The following CFAP20DC variants were observed in gnomAD, a reference collection of about 807,000 sequenced individuals.
The protein encoded by CFAP20DC is protein CFAP20DC.
A neutral mutation model predicts 101.7 loss-of-function variants in CFAP20DC; 84 were observed. The ratio of observed to expected loss-of-function variants is 0.83; its 90% CI spans 0.69 to 0.99. The LOEUF (loss-of-function observed/expected upper bound fraction) is 0.99, where lower values mean the gene tolerates loss of function less well. Among genes scored for constraint, CFAP20DC ranks in the 50% least tolerant of loss-of-function variants. CFAP20DC has a pLI of 0.00. For missense variants in CFAP20DC, 1,007 were observed against 970.3 expected (o/e 1.04, Z -0.50); for synonymous variants, 359 against 351.2 (o/e 1.02, Z -0.25).
At chr3:58,830,607 A>C (rs575940233) in intron 14 of CFAP20DC, among the ~76,000 whole-genome samples, 1 of 152,374 alleles carries the variant, frequency 6.6e-6, no homozygotes, top group South Asian at 2.1e-4. Flanking sequence ...TTAAATACTT[A>C]AAACCTAACT....
chr3:58,918,116 C>A (rs139128964), intron 5 of CFAP20DC, among the ~76,000 whole-genome samples: 1 of 152,142 alleles, frequency 6.6e-6, no homozygotes, highest in African/African-American at 2.4e-5. Context: ...GAGTCTTAGA[C>A]ACATTACCGT....
chr3:58,956,568 C>T (rs573542898), intron 4 of CFAP20DC, among the ~76,000 whole-genome samples: 2 of 152,264 alleles, frequency 1.3e-5, no homozygotes, highest in East Asian at 1.9e-4. Flanking sequence ...CCCTGGCTCC[C>T]GGATGGCACC....
intron 4 of CFAP20DC, among the ~76,000 whole-genome samples, chr3:58,976,483 T>C (rs774251614): frequency 1.5e-4 from 23 of 152,280 alleles, no homozygotes; most frequent in Non-Finnish European, 3.1e-4. Context: ...ATCACCTGTG[T>C]CCTGAAAGTG....
At chr3:58,775,939 T>A (rs1239149057) in intron 15 of CFAP20DC, among the ~76,000 whole-genome samples, 1 of 152,136 alleles carries the variant, frequency 6.6e-6, no homozygotes, top group East Asian at 1.9e-4. Flanking sequence ...GAGACTGGGT[T>A]TCTCCATGTT....
chr3:58,759,583 G>A (rs1223160852), intron 15 of CFAP20DC, among the ~76,000 whole-genome samples: 2 of 152,104 alleles, frequency 1.3e-5, no homozygotes, highest in African/African-American at 4.8e-5. Flanking sequence ...CACTGATTTT[G>A]GTGTTTTAGA....
rs1490074443 is a variant in CFAP20DC, at chr3:58,863,326, A to G, written c.1593+232T>C. The stretch of plus-strand genomic sequence containing the variant: ...AAATGAAAAAACAGAAAGAAACCCA[A>G]AACTGGTTTCTATAAGTAAAAGTGA... On this transcript the variant is annotated intron_variant, in intron 12 of 16. Transcript: ENST00000482387. This position sits in a 1 kb window ranked among gnomAD's most constrained non-coding sequence, Gnocchi z 5.9. 7.1e-7 allele frequency: 1 copy of G among 1,412,506 alleles called. No individual in the cohort carries two copies. The highest frequency in any genetic ancestry group is 1.4e-5 in the African/African-American group (1 of 69,220). The allele number at this position is 1,412,506 out of a possible 1,614,324, so 87.5% of individuals were successfully genotyped here.
intron 6 of CFAP20DC, among the ~76,000 whole-genome samples, chr3:58,896,331 C>T (rs1382671687): frequency 6.6e-6 from 1 of 152,018 alleles, no homozygotes; most frequent in Non-Finnish European, 1.5e-5. Flanking sequence ...TTTCAAGAAA[C>T]CAGCTCCTGG....
At chr3:58,836,499 C>T (rs926570870) in intron 13 of CFAP20DC, among the ~76,000 whole-genome samples, 5 of 152,046 alleles carry the variant, frequency 3.3e-5, no homozygotes, top group Non-Finnish European at 7.4e-5. Flanking sequence ...GCTAAATCTA[C>T]AGTGGAGGTG....
At chr3:58,750,152 A>G (rs377401710) in intron 16 of CFAP20DC, among the ~76,000 whole-genome samples, 4 of 152,196 alleles carry the variant, frequency 2.6e-5, no homozygotes, top group African/African-American at 7.2e-5. Context: ...ACAAACTCCT[A>G]CTGAATAAAG....
intron 14 of CFAP20DC, among the ~76,000 whole-genome samples, chr3:58,812,760 C>A (rs559656978): frequency 6.6e-6 from 1 of 151,368 alleles, no homozygotes; most frequent in Non-Finnish European, 1.5e-5. Context: ...TTTTACAGAT[C>A]CAGCAAATAG....
rs1699670175 is a variant in CFAP20DC, at chr3:59,044,390, G to A, written c.205+1839C>T. 3.3e-5 allele frequency among the ~76,000 whole-genome samples: 5 copies of A among 151,992 alleles called. No homozygotes were observed. In the South Asian group the frequency reaches 1.0e-3, roughly 32 times the overall value. On this transcript the variant is annotated intron_variant, in intron 3 of 16. Transcript: ENST00000482387. ...AATAACCTTAAAGGCATCAGTGCAG[G>A]GCAGACTATATAAACTGTTTCATTT...
rs569742942 is a variant in CFAP20DC at position 59,036,001 on chromosome 3, G to A, written c.278+3556C>T. Among the ~76,000 whole-genome samples, 108 of 152,174 alleles carry A rather than the reference G, an allele frequency of 7.1e-4. 3 individuals are homozygous for A. The South Asian group carries it at 0.021, about 29-fold the overall frequency. ...GGGATGCAAGGCTGGTTCAACATAC[G>A]CAAATCAATCAACATAATCCATCAC... On this transcript the variant is annotated intron_variant, in intron 4 of 16. Transcript: ENST00000482387.
At chr3:58,762,604 C>T (rs1054863509) in intron 15 of CFAP20DC, among the ~76,000 whole-genome samples, 6 of 152,112 alleles carry the variant, frequency 3.9e-5, no homozygotes, top group Admixed American at 6.5e-5. Flanking sequence ...TTATTTTGCT[C>T]GTTAGTTGAT....
At chr3:58,878,973 A>T (rs566584254) in intron 7 of CFAP20DC, among the ~76,000 whole-genome samples, 6 of 150,882 alleles carry the variant, frequency 4.0e-5, no homozygotes, top group African/African-American at 7.3e-5. Context: ...GTGCCACTGC[A>T]CTCCAGCCTG....
chr3:59,025,608 G>C (rs73837015), intron 4 of CFAP20DC, among the ~76,000 whole-genome samples: 2,902 of 152,122 alleles, frequency 0.019, 82 homozygotes, highest in African/African-American at 0.065. Context: ...GTACAGATGA[G>C]GCTTTGACAT....
chr3:58,869,260 T>G lies in CFAP20DC; in HGVS notation c.1015+68A>C. The G allele has an allele frequency of 7.8e-7, 1 of 1,285,596 alleles. No homozygotes were observed. The highest frequency in any genetic ancestry group is 1.1e-6 in the Non-Finnish European group (1 of 931,330). 79.6% of individuals were successfully genotyped at this position (1,285,596 alleles called of 1,614,324 possible). On this transcript the variant is annotated intron_variant, in intron 9 of 16. Coordinates refer to ENST00000482387, the MANE Select transcript of CFAP20DC (RefSeq NM_001394063.1). The surrounding 1 kb of genome is among the most constrained non-coding windows in gnomAD (Gnocchi z 4.3). ...TCTAGACTTGAATATAACTGCTGAT[T>G]TATCTTAACAAGAACATTTCTCACT...
intron 15 of CFAP20DC, among the ~76,000 whole-genome samples, chr3:58,784,314 T>C (rs1170621777): frequency 6.6e-6 from 1 of 152,008 alleles, no homozygotes; most frequent in Non-Finnish European, 1.5e-5. Context: ...AAATATTCCA[T>C]GATACATATA....
chr3:58,798,776 C>T (rs541429519), intron 15 of CFAP20DC, among the ~76,000 whole-genome samples: 5 of 152,316 alleles, frequency 3.3e-5, no homozygotes, highest in Admixed American at 6.5e-5. Context: ...AACAACCAGT[C>T]TGATCATTCA....
chr3:58,736,311 T>A (rs1292345189), intron 3 of CFAP20DC, among the ~76,000 whole-genome samples: 1 of 152,198 alleles, frequency 6.6e-6, no homozygotes, highest in East Asian at 1.9e-4. Flanking sequence ...GTCTGAAATG[T>A]CTGAATCATT....
Sources: allele counts gnomAD v4.1 joint callset (sites outside exome capture counted in the v4.1 genomes callset), GRCh38; gene constraint gnomAD v4.1.1; non-coding constraint Gnocchi (gnomAD v3.1); transcripts MANE v1.5; gene names NCBI Gene and HGNC (gene_info 2026-07-23, HGNC 2026-07-21).